Variants in CTRB1 observed in about 807,000 individuals in gnomAD.
The protein encoded by CTRB1 is chymotrypsinogen B1.
Under a neutral mutation model 20.4 loss-of-function variants are expected in CTRB1, and 15 were observed. The ratio of observed to expected loss-of-function variants is 0.74; its 90% confidence interval spans 0.49 to 1.13. The LOEUF is 1.13. Among genes scored for constraint, CTRB1 ranks in the 50% most tolerant of loss-of-function variants. CTRB1 has a pLI of 0.00. For synonymous variants in CTRB1, 92 were observed against 128.4 expected (o/e 0.72, Z 1.92); for missense variants, 227 against 290.1 (o/e 0.78, Z 1.58).
At chr16:75,219,146 G>A in intron 1 of CTRB1, 87 bp downstream of exon 1, 1 of 1,416,168 alleles carries the variant, frequency 7.1e-7, no homozygotes, top group Non-Finnish European at 9.6e-7. Context: ...CTGCCCCCTG[G>A]GGCCTCATCC....
chr16:75,224,173 C>G lies in CTRB1; in HGVS notation c.615C>G (p.Gly205=). ...TDVMICAGAS[G]VSSCMGDSGG... is the part of the protein sequence containing the mutation. ...TGATGATCTGTGCCGGGGCCAGTGG[C>G]GTCTCCTCCTGCATGGTGAGGCTGG... The change falls in exon 6 of 7, where the codon GGC becomes GGG. Residue 205 remains glycine, a synonymous_variant. Coordinates refer to ENST00000361017, the MANE Select transcript of CTRB1 (RefSeq NM_001906.6). 6.8e-7 allele frequency: 1 copy of G among 1,478,150 alleles called. No individual in the cohort carries two copies. The allele number at this position is 1,478,150 out of a possible 1,614,324, so 91.6% of individuals were successfully genotyped here.
intron 1 of CTRB1, among the ~76,000 whole-genome samples, chr16:75,219,390 T>C (rs758272632): frequency 1.4e-4 from 21 of 151,484 alleles, no homozygotes; most frequent in African/African-American, 2.7e-4. Flanking sequence ...TTTCTTCCTT[T>C]CTTTCTTTTT....
At position 75,223,632 on chromosome 16, in the gene CTRB1, A is replaced by AG; in HGVS notation, c.496+8dup. The AG allele has an allele frequency of 2.1e-6, 1 of 482,668 alleles. No individual in the cohort carries two copies. 29.9% of individuals were successfully genotyped at this position (482,668 alleles called of 1,614,324 possible). A position where few individuals can be genotyped will look rare whatever the true frequency, so the allele number is the denominator to read the frequency against. ...TGGGGCAAGACCAAGTACAACGGTGAGGGGCCGCGGGGCTGCCTCTGGGGT... is the reference window on the plus strand; with the variant it reads ...TGGGGCAAGACCAAGTACAACGGTGAGGGGGCCGCGGGGCTGCCTCTGGGGT... On this transcript the variant is annotated splice_donor_region_variant and intron_variant, in intron 5 of 6. Coordinates refer to ENST00000361017, the MANE Select transcript of CTRB1 (RefSeq NM_001906.6).
At chr16:75,219,165 G>T in intron 1 of CTRB1, 106 bp downstream of exon 1, 1 of 1,194,672 alleles carries the variant, frequency 8.4e-7, no homozygotes, top group South Asian at 1.4e-5. Context: ...CCCCAGCACA[G>T]GTAACCTGAG....
chr16:75,224,116 C>A lies in CTRB1; in HGVS notation c.558C>A (p.Cys186Ter), dbSNP rs2076714561. 5 of 1,392,880 alleles carry A rather than the reference C, an allele frequency of 3.6e-6. No homozygotes were observed. The East Asian group carries it at 1.3e-4, about 35-fold the overall frequency. 86.3% of individuals were successfully genotyped at this position (1,392,880 alleles called of 1,614,324 possible). A position where few individuals can be genotyped will look rare whatever the true frequency, so the allele number is the denominator to read the frequency against. Residue 186 changes from cysteine (C) to a stop codon, truncating the protein, a stop_gained, in exon 6 of 7, where the codon TGC becomes TGA. Transcript: ENST00000361017. LOFTEE classifies it high-confidence loss of function. ...AALPLLSNAECKKSWGRRITD... is the reference protein window; with the variant it reads ...AALPLLSNAE Reference sequence around the variant, plus strand: ...TGCCCCTCCTGTCCAATGCCGAATGCAAGAAGTCCTGGGGCAGGAGGATCA... The same window carrying A: ...TGCCCCTCCTGTCCAATGCCGAATGAAAGAAGTCCTGGGGCAGGAGGATCA...
intron 1 of CTRB1, chr16:75,222,487 T>G: frequency 1.9e-6 from 1 of 521,976 alleles, no homozygotes; most frequent in Non-Finnish European, 3.4e-6. Flanking sequence ...CCAGGCAGTC[T>G]TACAGCCCGG....
At chr16:75,221,265 T>C (rs565243347) in intron 1 of CTRB1, among the ~76,000 whole-genome samples, 6 of 152,330 alleles carry the variant, frequency 3.9e-5, no homozygotes, top group African/African-American at 1.4e-4. Flanking sequence ...AGCAGAGGCA[T>C]GGTGGGCGTG....
chr16:75,222,817 C>T lies in CTRB1; in HGVS notation c.102C>T (p.Ile34=), dbSNP rs199776091. The change falls in exon 2 of 7, where the codon ATC becomes ATT. Residue 34 remains isoleucine (I), a synonymous_variant. Transcript: ENST00000361017. ...IHPVLSGLSR[I]VNGEDAVPGS... ...CTGTGCTCAGCGGCCTGTCCAGGAT[C>T]GTGAATGGGGAGGACGCCGTCCCCG... 3.0e-4 allele frequency: 466 copies of T among 1,547,790 alleles called. 2 individuals carry two copies. The highest frequency in any genetic ancestry group is 1.2e-3 in the East Asian group (50 of 40,954).
chr16:75,224,378 G>A (rs559815327), intron 6 of CTRB1, among the ~76,000 whole-genome samples, 190 bp downstream of exon 6: 3 of 152,182 alleles, frequency 2.0e-5, no homozygotes, highest in African/African-American at 7.2e-5. Flanking sequence ...AATCTGGACC[G>A]TGGATCCCAG....
At chr16:75,219,379 T>C (rs926197789) in intron 1 of CTRB1, among the ~76,000 whole-genome samples, 1 of 151,968 alleles carries the variant, frequency 6.6e-6, no homozygotes. Context: ...TTGTCAAGCA[T>C]TTTCTTCCTT....
chr16:75,224,628 G>A, intron 6 of CTRB1, 77 bp from the exon 7 acceptor site: 1 of 1,493,416 alleles, frequency 6.7e-7, no homozygotes, highest in East Asian at 2.3e-5. Flanking sequence ...ACTGGACTCT[G>A]GGAACAATGT....
chr16:75,220,544 C>G (rs1400366585), intron 1 of CTRB1, among the ~76,000 whole-genome samples: 6 of 152,090 alleles, frequency 3.9e-5, no homozygotes, highest in Non-Finnish European at 7.4e-5. Flanking sequence ...GATCTGCTCA[C>G]CTCAACCTCC....
rs576908589 is a variant in CTRB1 at position 75,222,765 on chromosome 16, C to A, written c.53-3C>A. The A allele has an allele frequency of 1.5e-4, 228 of 1,557,130 alleles. No individual in the cohort carries two copies. The highest frequency in any genetic ancestry group is 5.2e-4 in the African/African-American group (38 of 73,610). On this transcript the variant is annotated splice_polypyrimidine_tract_variant and splice_region_variant and intron_variant, in intron 1 of 6. Transcript: ENST00000361017. ...AGCCCTTATTCACCCCACTCCCCCC[C>A]AGGCTGCGGGGTCCCCGCCATCCAC...
chr16:75,219,981 T>TTTTTGG (rs11275637), intron 1 of CTRB1, among the ~76,000 whole-genome samples: 14 of 151,800 alleles, frequency 9.2e-5, no homozygotes, highest in African/African-American at 3.1e-4. Context: ...TTCTATCCTG[T>TTTTTGG]TTTTGGTTTT....
At chr16:75,220,018 GT>G (rs529994333) in intron 1 of CTRB1, among the ~76,000 whole-genome samples, 2 of 152,174 alleles carry the variant, frequency 1.3e-5, no homozygotes, top group South Asian at 4.1e-4. Context: ...TTGAGACAGG[GT>G]CTCACTCTGT....
intron 1 of CTRB1, 190 bp from the exon 2 acceptor site, chr16:75,222,578 G>A: frequency 4.8e-6 from 3 of 624,786 alleles, no homozygotes; most frequent in Non-Finnish European, 8.2e-6. Context: ...GATGACTGGA[G>A]CCAGCAGGCC....
Position 75,218,990 on chromosome 16 carries a change from A to C in CTRB1, c.-18A>C. On this transcript the variant is annotated 5_prime_UTR_variant, in exon 1 of 7. Coordinates refer to ENST00000361017, the MANE Select transcript of CTRB1 (RefSeq NM_001906.6). The stretch of plus-strand genomic sequence containing the variant: ...GGGCCCCGCAGCTGGCAGGCCCCAC[A>C]CCTTCTGAGGCAGCGGCATGGCTTC... 6.4e-7 allele frequency: 1 copy of C among 1,574,688 alleles called. No homozygotes were observed. The highest frequency in any genetic ancestry group is 8.6e-7 in the Non-Finnish European group (1 of 1,162,324).
At chr16:75,219,670 T>C (rs1000463830) in intron 1 of CTRB1, among the ~76,000 whole-genome samples, 7 of 152,146 alleles carry the variant, frequency 4.6e-5, no homozygotes, top group African/African-American at 1.7e-4. Flanking sequence ...AGGCATGAGC[T>C]ACTGTGCCCA....
At position 75,222,792 on chromosome 16, in the gene CTRB1, C is replaced by G. The variant is rs1481829431; in HGVS notation, c.77C>G (p.Pro26Arg). Reference sequence around the variant, plus strand: ...GGCTGCGGGGTCCCCGCCATCCACCCTGTGCTCAGCGGCCTGTCCAGGATC... The same window carrying G: ...GGCTGCGGGGTCCCCGCCATCCACCGTGTGCTCAGCGGCCTGTCCAGGATC... Reference protein sequence around the residue: ...AFGCGVPAIHPVLSGLSRIVN... With the variant: ...AFGCGVPAIHRVLSGLSRIVN... The change falls in exon 2 of 7, where the codon CCT (proline) becomes CGT (arginine). Residue 26 changes from proline to arginine, a missense_variant. Physicochemically the swap from Pro to Arg is moderately radical, Grantham distance 103. Around this residue, in one of 4 missense-constraint regions of CTRB1, gnomAD observed 71 missense variants for 69.1 expected, o/e 1.03. Transcript: ENST00000361017. 6.4e-7 allele frequency: 1 copy of G among 1,555,030 alleles called. No individual in the cohort carries two copies. The highest frequency in any genetic ancestry group is 2.4e-5 in the East Asian group (1 of 41,432).
Sources: gnomAD v4.1 joint callset for allele counts (sites outside exome capture counted in the v4.1 genomes callset) on GRCh38, gnomAD v4.1.1 for gene constraint, gnomAD v4.1.1 regional missense constraint, MANE v1.5 for transcripts, NCBI Gene and HGNC (gene_info 2026-07-23, HGNC 2026-07-21) for gene names.